The following EMP2 variants were observed in gnomAD, a reference collection of about 807,000 sequenced individuals.
The protein encoded by EMP2 is epithelial membrane protein 2.
A neutral mutation model predicts 13.7 loss-of-function variants in EMP2; 19 were observed. The ratio of observed to expected loss-of-function variants is 1.38; its 90% CI spans 0.97 to 2.03. EMP2 has a LOEUF of 2.03. Ranked by LOEUF, EMP2 falls within the 30% of genes most tolerant of loss-of-function variation. The probability of loss-of-function intolerance (pLI) is 0.00; values close to 1 mark genes in which losing one functional copy is unlikely to be tolerated. For synonymous variants in EMP2, 97 were observed against 84.7 expected (o/e 1.15, Z -0.80); for missense variants, 253 against 220.7 (o/e 1.15, Z -0.93).
chr16:10,555,966 C>A (rs1463860593), intron 1 of EMP2, among the ~76,000 whole-genome samples: 1 of 152,152 alleles, frequency 6.6e-6, no homozygotes, highest in Non-Finnish European at 1.5e-5. Flanking sequence ...TCATGCACTT[C>A]TATTTCTTGG....
intron 1 of EMP2, 150 bp from the exon 2 acceptor site, chr16:10,547,827 G>A (rs915362624): frequency 1.8e-6 from 1 of 560,794 alleles, no homozygotes; most frequent in African/African-American, 1.9e-5. Context: ...GAGCCCAGGA[G>A]ATTGAGACCA....
intron 1 of EMP2, among the ~76,000 whole-genome samples, chr16:10,563,559 A>T (rs1326529762): frequency 6.6e-6 from 1 of 152,222 alleles, no homozygotes; most frequent in African/African-American, 2.4e-5. Flanking sequence ...GGCGAGTTAA[A>T]GACTGTACAT....
At chr16:10,538,715 T>C (rs1327953055) in intron 3 of EMP2, among the ~76,000 whole-genome samples, 1 of 152,120 alleles carries the variant, frequency 6.6e-6, no homozygotes, top group East Asian at 1.9e-4. Flanking sequence ...TGGGGGCAGG[T>C]CACAGTGAGG....
At chr16:10,554,578 G>T (rs2050813490) in intron 1 of EMP2, among the ~76,000 whole-genome samples, 1 of 152,116 alleles carries the variant, frequency 6.6e-6, no homozygotes, top group Non-Finnish European at 1.5e-5. Context: ...GATGAAGACT[G>T]GTCCACCAAG....
chr16:10,563,317 A>G (rs2050885566), intron 1 of EMP2, among the ~76,000 whole-genome samples: 1 of 152,028 alleles, frequency 6.6e-6, no homozygotes, highest in South Asian at 2.1e-4. Flanking sequence ...TCAGTCTCCC[A>G]AGTAGCTGGA....
chr16:10,541,155 C>A (rs1198262781), intron 3 of EMP2, among the ~76,000 whole-genome samples: 2 of 151,852 alleles, frequency 1.3e-5, no homozygotes, highest in South Asian at 2.1e-4. Context: ...AAAACCCCAG[C>A]ACTTTGGGAG....
chr16:10,576,759 C>G (rs962879243), intron 1 of EMP2: 4 of 152,216 alleles, frequency 2.6e-5, no homozygotes, highest in African/African-American at 9.7e-5. Context: ...AGCAGCTACT[C>G]ATTAAGCACC....
rs2050677285 is a variant in EMP2 at position 10,539,449 on chromosome 16, A to G, written c.170-1375T>C. ...AAGGAGTCAGACCGGCTCCCCCACTATGACACACACCACATGACCCCATTC... is the reference window on the plus strand; with the variant it reads ...AAGGAGTCAGACCGGCTCCCCCACTGTGACACACACCACATGACCCCATTC... On this transcript the variant is annotated intron_variant, in intron 3 of 4. Transcript: ENST00000359543. 2.0e-5 allele frequency among the ~76,000 whole-genome samples: 3 copies of G among 152,130 alleles called. No homozygotes were observed. The South Asian group carries it at 6.2e-4, about 32-fold the overall frequency.
intron 3 of EMP2, among the ~76,000 whole-genome samples, chr16:10,538,411 C>T (rs1314170470): frequency 6.6e-6 from 1 of 152,162 alleles, no homozygotes; most frequent in Non-Finnish European, 1.5e-5. Flanking sequence ...ACCTCAGGTT[C>T]CAACGTGGTA....
Position 10,538,200 on chromosome 16 carries a change from C to T in EMP2, c.170-126G>A, listed in dbSNP as rs115499170. ...GCAAACAGGAAGGGGTTCAGGCGGTCGTCTACATGGTCTGAGCACAAGGGC... is the reference window on the plus strand; with the variant it reads ...GCAAACAGGAAGGGGTTCAGGCGGTTGTCTACATGGTCTGAGCACAAGGGC... On this transcript the variant is annotated intron_variant, in intron 3 of 4. Transcript: ENST00000359543. 1.0e-3 allele frequency: 1,205 copies of T among 1,176,800 alleles called. 8 individuals carry two copies. The African/African-American group carries it at 0.015, about 15-fold the overall frequency. The allele number at this position is 1,176,800 out of a possible 1,614,324, so 72.9% of individuals were successfully genotyped here.
At chr16:10,567,910 G>T (rs2050919419) in intron 1 of EMP2, among the ~76,000 whole-genome samples, 1 of 152,198 alleles carries the variant, frequency 6.6e-6, no homozygotes, top group Non-Finnish European at 1.5e-5. Flanking sequence ...CCATTTTATA[G>T]ATGAGAAAAC....
intron 3 of EMP2, among the ~76,000 whole-genome samples, chr16:10,541,476 C>G (rs572627757): frequency 6.6e-6 from 1 of 152,220 alleles, no homozygotes; most frequent in East Asian, 1.9e-4. Flanking sequence ...CAAACAAAAA[C>G]AGGCCTTGGA....
At chr16:10,553,350 C>T (rs1202156063) in intron 1 of EMP2, among the ~76,000 whole-genome samples, 1 of 152,212 alleles carries the variant, frequency 6.6e-6, no homozygotes, top group Admixed American at 6.5e-5. Flanking sequence ...TGGCGGTAGC[C>T]GTACCAGAGT....
At chr16:10,562,515 C>A (rs948767418) in intron 1 of EMP2, among the ~76,000 whole-genome samples, 1 of 152,114 alleles carries the variant, frequency 6.6e-6, no homozygotes, top group Admixed American at 6.6e-5. Context: ...CTAGACCAGC[C>A]AGCCCCCAGC....
At chr16:10,551,561 T>C (rs541156441) in intron 1 of EMP2, among the ~76,000 whole-genome samples, 43 of 152,244 alleles carry the variant, frequency 2.8e-4, no homozygotes, top group African/African-American at 9.2e-4. Flanking sequence ...CACGTGCTAC[T>C]ACGCCTGGCT....
At chr16:10,543,698 G>C in intron 2 of EMP2, 38 bp from the exon 3 acceptor site, 3 of 1,597,966 alleles carry the variant, frequency 1.9e-6, no homozygotes, top group East Asian at 2.2e-5. Context: ...AAGGCCGTCC[G>C]TTCATGATGC....
chr16:10,533,323 C>A (rs2050622710), intron 4 of EMP2, among the ~76,000 whole-genome samples: 1 of 152,170 alleles, frequency 6.6e-6, no homozygotes, highest in Non-Finnish European at 1.5e-5. Flanking sequence ...CAGACGTGAG[C>A]CACCGCGTGC....
chr16:10,552,463 TC>T (rs2050795491), intron 1 of EMP2, among the ~76,000 whole-genome samples: 4 of 152,190 alleles, frequency 2.6e-5, no homozygotes, highest in Admixed American at 2.6e-4. Context: ...GTGAAAAAGT[TC>T]CCATTCCAAT....
At chr16:10,568,410 T>A (rs2050923865) in intron 1 of EMP2, among the ~76,000 whole-genome samples, 1 of 152,214 alleles carries the variant, frequency 6.6e-6, no homozygotes. Context: ...TATTCACAGG[T>A]GCCTCTCAGA....
Sources: gnomAD v4.1 joint callset for allele counts (sites outside exome capture counted in the v4.1 genomes callset) on GRCh38, gnomAD v4.1.1 for gene constraint, MANE v1.5 for transcripts, NCBI Gene and HGNC (gene_info 2026-07-23, HGNC 2026-07-21) for gene names.